The following CACNG4 variants were observed in gnomAD, a reference collection of about 807,000 sequenced individuals.
CACNG4 encodes the protein voltage-dependent calcium channel gamma-4 subunit.
Under a neutral mutation model 22.9 loss-of-function variants are expected in CACNG4, and 8 were observed. The ratio of observed to expected loss-of-function variants is 0.35; its 90% CI spans 0.21 to 0.63. CACNG4 has a LOEUF of 0.63. Among genes scored for constraint, CACNG4 ranks in the 30% least tolerant of loss-of-function variants. CACNG4 has a pLI of 0.72. For missense variants in CACNG4, 357 were observed against 455.4 expected, an observed-to-expected ratio of 0.78 and a Z score of 1.97; for synonymous variants, 188 against 191.9, an observed-to-expected ratio of 0.98 and a Z score of 0.17.
At chr17:66,981,901 C>A (rs992159202) in intron 1 of CACNG4, among the ~76,000 whole-genome samples, 2 of 152,078 alleles carry the variant, frequency 1.3e-5, no homozygotes, top group Non-Finnish European at 2.9e-5. Context: ...AATCAGATTT[C>A]AGGTATATTA....
At position 66,965,096 on chromosome 17, in the gene CACNG4, C is replaced by T; in HGVS notation, c.185C>T (p.Thr62Ile). 6.3e-7 allele frequency: 1 copy of T among 1,599,294 alleles called. No homozygotes were observed. The highest frequency in any genetic ancestry group is 8.5e-7 in the Non-Finnish European group (1 of 1,174,022). ...CCCCGCCGCGCCCGCGGCGACCTCACCCACTCTGGTCTGTGGCGGGTGTGC... is the reference window on the plus strand; with the variant it reads ...CCCCGCCGCGCCCGCGGCGACCTCATCCACTCTGGTCTGTGGCGGGTGTGC... Reference protein sequence around the residue: ...PPPRRARGDLTHSGLWRVCCI... With the variant: ...PPPRRARGDLIHSGLWRVCCI... The change falls in exon 1 of 4, where the codon ACC (threonine) becomes ATC (isoleucine). Residue 62 changes from threonine (T) to isoleucine (I), a missense_variant. Physicochemically the swap from Thr to Ile is moderately conservative, Grantham distance 89. Around this residue, in one of 3 missense-constraint regions of CACNG4, gnomAD observed 114 missense variants for 161.6 expected, o/e 0.71. Transcript: ENST00000262138.
At position 67,032,316 on chromosome 17, in the gene CACNG4, G is replaced by A. The variant is rs899635396; in HGVS notation, c.*1312G>A. 3.0e-5 allele frequency: 9 copies of A among 300,526 alleles called. No individual in the cohort carries two copies. In the East Asian group the frequency reaches 4.4e-4, roughly 15 times the overall value. The allele number at this position is 300,526 out of a possible 1,614,324, so 18.6% of individuals were successfully genotyped here. A position where few individuals can be genotyped will look rare whatever the true frequency, so the allele number is the denominator to read the frequency against. On this transcript the variant is annotated 3_prime_UTR_variant, in exon 4 of 4. Coordinates refer to ENST00000262138, the MANE Select transcript of CACNG4 (RefSeq NM_014405.4). The stretch of plus-strand genomic sequence containing the variant: ...TGAAGCAAGCAAAGAGCGTGGAGGC[G>A]TGTGCAGGCTTGGAAGAAGAACTCT...
chr17:66,989,857 C>T (rs889753303), intron 1 of CACNG4, among the ~76,000 whole-genome samples: 9 of 146,308 alleles, frequency 6.2e-5, no homozygotes, highest in Non-Finnish European at 1.0e-4. Flanking sequence ...AACTGAGTCT[C>T]GGATGAAACA....
At chr17:66,994,034 C>T (rs1333987861) in intron 1 of CACNG4, among the ~76,000 whole-genome samples, 2 of 144,336 alleles carry the variant, frequency 1.4e-5, no homozygotes, top group African/African-American at 2.7e-5. Context: ...AAAAAAAAAA[C>T]ATTTTTTTAA....
At chr17:67,023,270 CT>C (rs3043068) in intron 2 of CACNG4, among the ~76,000 whole-genome samples, 1,656 of 79,732 alleles carry the variant, frequency 0.021, 5 homozygotes, top group African/African-American at 0.07. Flanking sequence ...AAGACCTCTT[CT>C]TTTTTTTTTT....
intron 1 of CACNG4, among the ~76,000 whole-genome samples, chr17:67,016,965 C>T (rs1192767672): frequency 6.6e-6 from 1 of 152,126 alleles, no homozygotes; most frequent in East Asian, 1.9e-4. Context: ...ATGATGGTCT[C>T]AGCCCTTCTG....
chr17:66,982,072 G>A (rs1336494513), intron 1 of CACNG4, among the ~76,000 whole-genome samples: 3 of 152,320 alleles, frequency 2.0e-5, no homozygotes, highest in South Asian at 2.1e-4. Context: ...AGCCATGGAC[G>A]TTTGCGGTGA....
intron 1 of CACNG4, among the ~76,000 whole-genome samples, chr17:67,017,434 G>A (rs1397417102): frequency 6.6e-6 from 1 of 152,072 alleles, no homozygotes; most frequent in East Asian, 1.9e-4. Context: ...CCCCACCCTT[G>A]CCTTCACATG....
At chr17:66,974,728 G>A (rs1287463514) in intron 1 of CACNG4, among the ~76,000 whole-genome samples, 3 of 152,148 alleles carry the variant, frequency 2.0e-5, no homozygotes, top group Non-Finnish European at 4.4e-5. Flanking sequence ...TGTGCACAGG[G>A]GACCCTTCTG....
chr17:66,983,380 C>A (rs1450404726), intron 1 of CACNG4, among the ~76,000 whole-genome samples: 1 of 152,148 alleles, frequency 6.6e-6, no homozygotes, highest in African/African-American at 2.4e-5. Context: ...TGCGAATATC[C>A]AAAATAACCC....
intron 1 of CACNG4, among the ~76,000 whole-genome samples, chr17:67,008,289 G>A (rs1268665893): frequency 6.6e-6 from 1 of 152,192 alleles, no homozygotes; most frequent in Non-Finnish European, 1.5e-5. Flanking sequence ...AACCCATGGA[G>A]AGGTTTCCCA....
chr17:66,999,716 C>A (rs533535334), intron 1 of CACNG4, among the ~76,000 whole-genome samples: 1 of 152,250 alleles, frequency 6.6e-6, no homozygotes, highest in South Asian at 2.1e-4. Context: ...ACAGGTCCCC[C>A]CATCAATACC....
At position 67,029,272 on chromosome 17, in the gene CACNG4, C is replaced by T. The variant is rs7215625; in HGVS notation, c.446-1194C>T. ...GCTTGAACCCAGGAGGCGGAGGTTG[C>T]AGTGAGCGGAGATCGTGCCACTGCA... On this transcript the variant is annotated intron_variant, in intron 3 of 3. Transcript: ENST00000262138. 2.2e-3 allele frequency among the ~76,000 whole-genome samples: 329 copies of T among 152,182 alleles called. 2 individuals are homozygous for T. The highest frequency in any genetic ancestry group is 7.5e-3 in the African/African-American group (310 of 41,512).
intron 1 of CACNG4, among the ~76,000 whole-genome samples, chr17:67,009,711 T>C (rs1357883617): frequency 2.0e-5 from 3 of 152,152 alleles, no homozygotes; most frequent in Non-Finnish European, 2.9e-5. Flanking sequence ...CTGGTGAGGG[T>C]GGCTTCCTGG....
intron 1 of CACNG4, among the ~76,000 whole-genome samples, chr17:66,993,010 C>T (rs1019328745): frequency 2.6e-5 from 4 of 152,248 alleles, no homozygotes; most frequent in East Asian, 3.9e-4. Context: ...ACCTAGCGTG[C>T]GCTGTGTCTA....
intron 1 of CACNG4, among the ~76,000 whole-genome samples, chr17:66,999,648 CACGGGGGGAA>C (rs2035396101): frequency 6.6e-6 from 1 of 152,066 alleles, no homozygotes. Context: ...AGGAGAACAC[CACGGGGGGAA>C]ACTGCCCCCA....
chr17:66,990,639 TAA>T (rs200222106), intron 1 of CACNG4, among the ~76,000 whole-genome samples: 1,689 of 151,574 alleles, frequency 0.011, 49 homozygotes, highest in Admixed American at 0.059. Context: ...TCTTTAAATC[TAA>T]GTCTCCTTAT....
At chr17:66,989,402 C>G (rs2035325322) in intron 1 of CACNG4, among the ~76,000 whole-genome samples, 1 of 151,434 alleles carries the variant, frequency 6.6e-6, no homozygotes, top group Non-Finnish European at 1.5e-5. Context: ...GATGCAGCTA[C>G]AAGCCAGGGA....
chr17:66,996,596 G>A (rs1403438582), intron 1 of CACNG4, among the ~76,000 whole-genome samples: 11 of 151,978 alleles, frequency 7.2e-5, no homozygotes, highest in African/African-American at 2.7e-4. Context: ...GGCCAGGCTG[G>A]TCTCAAACTC....
Sources: gnomAD v4.1 joint callset for allele counts (sites outside exome capture counted in the v4.1 genomes callset) on GRCh38, gnomAD v4.1.1 for gene constraint, gnomAD v4.1.1 regional missense constraint, MANE v1.5 for transcripts, NCBI Gene and HGNC (gene_info 2026-07-23, HGNC 2026-07-21) for gene names.